Variants in CTNND2 observed in about 807,000 individuals in gnomAD.
The protein encoded by CTNND2 is catenin delta-2.
In CTNND2, 22 loss-of-function variants were observed where a neutral mutation model predicts 144.4. The ratio of observed to expected loss-of-function variants is 0.15; its 90% confidence interval spans 0.11 to 0.22. The LOEUF is 0.22. Among genes scored for constraint, CTNND2 ranks in the 10% least tolerant of loss-of-function variants. The probability of loss-of-function intolerance (pLI) is 1.00; values close to 1 mark genes in which losing one functional copy is unlikely to be tolerated. For synonymous variants in CTNND2, 751 were observed against 695.6 expected, an observed-to-expected ratio of 1.08 and a Z score of -1.25; for missense variants, 1,353 against 1,618.8, an observed-to-expected ratio of 0.84 and a Z score of 2.82.
intron 2 of CTNND2, among the ~76,000 whole-genome samples, chr5:11,666,463 A>T (rs1783574215): frequency 6.6e-6 from 1 of 152,238 alleles, no homozygotes; most frequent in Non-Finnish European, 1.5e-5. Flanking sequence ...GAGTTTTCAT[A>T]GATGGGATTG....
chr5:11,328,603 A>G (rs1483841291), intron 9 of CTNND2, among the ~76,000 whole-genome samples: 1 of 152,082 alleles, frequency 6.6e-6, no homozygotes, highest in East Asian at 1.9e-4. Flanking sequence ...ATTGCGTCCA[A>G]TCCAAAATTC....
At position 11,022,939 on chromosome 5, in the gene CTNND2, T is replaced by C. The variant is rs778988356; in HGVS notation, c.2829A>G (p.Gly943=). The C allele has an allele frequency of 6.2e-7, 1 of 1,614,174 alleles. No homozygotes were observed. The highest frequency in any genetic ancestry group is 1.1e-5 in the South Asian group (1 of 91,070). ...AMRDLVHRLP[G]GNNSNNTASK... is the part of the protein sequence containing the mutation. ...TTGCAGTGTTGTTGCTGTTGTTCCC[T>C]CCTGGAAGCCTGTGGACTAGGTCTC... Residue 943 remains glycine, a synonymous_variant, in exon 17 of 22, where the codon GGA becomes GGG. Coordinates refer to ENST00000304623, the MANE Select transcript of CTNND2 (RefSeq NM_001332.4).
intron 1 of CTNND2, among the ~76,000 whole-genome samples, chr5:11,739,548 T>C (rs1787878023): frequency 6.6e-6 from 1 of 151,990 alleles, no homozygotes; most frequent in Non-Finnish European, 1.5e-5. Context: ...TCAGGGAATG[T>C]AAAGATTGAG....
At chr5:11,874,242 A>C (rs982683367) in intron 1 of CTNND2, among the ~76,000 whole-genome samples, 1 of 152,180 alleles carries the variant, frequency 6.6e-6, no homozygotes, top group Non-Finnish European at 1.5e-5. Context: ...ACTGCAAAAA[A>C]CCACAGCAGT....
intron 2 of CTNND2, among the ~76,000 whole-genome samples, chr5:11,572,492 A>G (rs1008130272): frequency 6.6e-6 from 1 of 151,982 alleles, no homozygotes; most frequent in Non-Finnish European, 1.5e-5. Flanking sequence ...CTTCTTGGGG[A>G]GGATGTTCTG....
intron 16 of CTNND2, among the ~76,000 whole-genome samples, chr5:11,031,040 C>T (rs1382968086): frequency 6.6e-6 from 1 of 152,052 alleles, no homozygotes; most frequent in African/African-American, 2.4e-5. Context: ...TGCATACTGG[C>T]TCTCTTATTT....
At chr5:11,644,617 T>C (rs1782252298) in intron 2 of CTNND2, among the ~76,000 whole-genome samples, 1 of 147,954 alleles carries the variant, frequency 6.8e-6, no homozygotes, top group Non-Finnish European at 1.5e-5. Flanking sequence ...GAGCTTGCAG[T>C]GAGCCAAGAT....
intron 9 of CTNND2, among the ~76,000 whole-genome samples, chr5:11,239,192 T>TA (rs1402818992): frequency 3.3e-5 from 5 of 152,282 alleles, no homozygotes; most frequent in African/African-American, 1.2e-4. Context: ...GGTGATGGCT[T>TA]ACACGGCATA....
chr5:11,333,355 C>T (rs901379568), intron 9 of CTNND2, among the ~76,000 whole-genome samples: 1 of 152,126 alleles, frequency 6.6e-6, no homozygotes, highest in East Asian at 1.9e-4. Flanking sequence ...CCTCGACTTC[C>T]TGGGCTCAAA....
intron 16 of CTNND2, among the ~76,000 whole-genome samples, chr5:11,040,495 T>C (rs1406011175): frequency 6.6e-6 from 1 of 152,210 alleles, no homozygotes; most frequent in African/African-American, 2.4e-5. Flanking sequence ...AGGAATTGTA[T>C]GTTTCAGCAC....
chr5:11,206,885 CTACACT>C (rs1045894452), intron 10 of CTNND2, among the ~76,000 whole-genome samples: 3 of 152,150 alleles, frequency 2.0e-5, no homozygotes, highest in African/African-American at 7.2e-5. Context: ...GGTTTAAAGG[CTACACT>C]TACACTTACT....
In CTNND2 at chr5:11,571,241, G is replaced by A. The variant is rs537946850; in HGVS notation, c.175-6185C>T. Reference sequence around the variant, plus strand: ...TGAAGGTATCTCAACTTCCCTGGCAGTCTGCTCATATGTGACTGTTGGGGT... The same window carrying A: ...TGAAGGTATCTCAACTTCCCTGGCAATCTGCTCATATGTGACTGTTGGGGT... On this transcript the variant is annotated intron_variant, in intron 2 of 21. Coordinates refer to ENST00000304623, the MANE Select transcript of CTNND2 (RefSeq NM_001332.4). 5.3e-5 allele frequency among the ~76,000 whole-genome samples: 8 copies of A among 152,152 alleles called. No individual in the cohort carries two copies. In the East Asian group the frequency reaches 1.6e-3, roughly 29 times the overall value.
chr5:11,228,820 G>C (rs1344302942), intron 10 of CTNND2, among the ~76,000 whole-genome samples: 1 of 152,026 alleles, frequency 6.6e-6, no homozygotes, highest in Non-Finnish European at 1.5e-5. Context: ...TTGATATTTG[G>C]ACCCTCCCAC....
At chr5:11,772,905 T>C (rs1274069827) in intron 1 of CTNND2, among the ~76,000 whole-genome samples, 2 of 152,200 alleles carry the variant, frequency 1.3e-5, no homozygotes, top group African/African-American at 4.8e-5. Flanking sequence ...TTGTTATGGT[T>C]GTGGAGCCTG....
chr5:11,236,287 C>A (rs1351851532), intron 10 of CTNND2, among the ~76,000 whole-genome samples: 1 of 152,156 alleles, frequency 6.6e-6, no homozygotes, highest in Non-Finnish European at 1.5e-5. Context: ...AAGGACAGGT[C>A]ATAGCTTATA....
intron 3 of CTNND2, among the ~76,000 whole-genome samples, chr5:11,463,778 G>C (rs1357960360): frequency 6.6e-6 from 1 of 151,056 alleles, no homozygotes; most frequent in Non-Finnish European, 1.5e-5. Context: ...ACTTAAAAAA[G>C]CACTGGGCAA....
intron 2 of CTNND2, among the ~76,000 whole-genome samples, chr5:11,644,148 A>T (rs1050967601): frequency 6.6e-6 from 1 of 152,202 alleles, no homozygotes; most frequent in Non-Finnish European, 1.5e-5. Context: ...GAGTTTCATT[A>T]ATAGTTGAAT....
chr5:11,520,163 AAAAG>A (rs1772596046), intron 3 of CTNND2, among the ~76,000 whole-genome samples: 1 of 151,788 alleles, frequency 6.6e-6, no homozygotes, highest in Non-Finnish European at 1.5e-5. Context: ...AAAAAAAAAA[AAAAG>A]AAAGAAAATA....
rs1561354651 is a variant in CTNND2, at chr5:11,412,085, T to A, written c.288-16A>T. 1 of 1,601,404 alleles carries A rather than the reference T, an allele frequency of 6.2e-7. No individual in the cohort carries two copies. Among genetic ancestry groups the A allele is most frequent in the East Asian group, 2.2e-5 (1 of 44,706 alleles). On this transcript the variant is annotated splice_polypyrimidine_tract_variant and intron_variant, in intron 3 of 21. Transcript: ENST00000304623. Reference sequence around the variant, plus strand: ...TTCTGCTGAACTGTAAAAAAGAAAATACAGAGATATAATGCATTGATTAGA... The same window carrying A: ...TTCTGCTGAACTGTAAAAAAGAAAAAACAGAGATATAATGCATTGATTAGA...
Sources: gnomAD v4.1 joint callset for allele counts (sites outside exome capture counted in the v4.1 genomes callset) on GRCh38, gnomAD v4.1.1 for gene constraint, MANE v1.5 for transcripts, NCBI Gene and HGNC (gene_info 2026-07-23, HGNC 2026-07-21) for gene names.